The following SMAD2 variants were observed in gnomAD, a reference collection of about 807,000 sequenced individuals.
SMAD2 encodes MAD homolog 2.
In SMAD2, 8 loss-of-function variants were observed where a neutral mutation model predicts 64.4. The ratio of observed to expected loss-of-function variants is 0.12; its 90% CI spans 0.07 to 0.22. The LOEUF (loss-of-function observed/expected upper bound fraction) is 0.22. SMAD2 is among the 10% of genes least tolerant of loss of function. The pLI is 1.00. For synonymous variants in SMAD2, 203 were observed against 195.8 expected, an observed-to-expected ratio of 1.04 and a Z score of -0.31; for missense variants, 289 against 561.2, an observed-to-expected ratio of 0.51 and a Z score of 4.90.
At chr18:47,865,715 T>C (rs1018230514) in intron 5 of SMAD2, among the ~76,000 whole-genome samples, 2 of 152,176 alleles carry the variant, frequency 1.3e-5, no homozygotes, top group African/African-American at 2.4e-5. Flanking sequence ...GTCTAAGTGT[T>C]TGAAGCAGAA....
Position 47,828,765 on chromosome 18 carries a change from A to T in SMAD2, c.*13062T>A, listed in dbSNP as rs932009782. 1 of 180,990 alleles carries T rather than the reference A, an allele frequency of 5.5e-6. No homozygotes were observed. Among genetic ancestry groups the T allele is most frequent in the African/African-American group, 2.4e-5 (1 of 41,624 alleles). 11.2% of individuals were successfully genotyped at this position (180,990 alleles called of 1,614,324 possible). Reference sequence around the variant, plus strand: ...CGTTAAGAGTCATCACCACTCCTTAATCTCAAGTACCCAGGGACACAAACA... The same window carrying T: ...CGTTAAGAGTCATCACCACTCCTTATTCTCAAGTACCCAGGGACACAAACA... On this transcript the variant is annotated 3_prime_UTR_variant, in exon 11 of 11. Coordinates refer to ENST00000262160, the MANE Select transcript of SMAD2 (RefSeq NM_005901.6).
chr18:47,885,132 T>TACACACACACAC (rs57342899), intron 2 of SMAD2, among the ~76,000 whole-genome samples: 1 of 142,080 alleles, frequency 7.0e-6, no homozygotes, highest in South Asian at 2.3e-4. Context: ...TTTAGTCATA[T>TACACACACACAC]ACACACACAC....
At chr18:47,856,627 T>C (rs960967582) in intron 6 of SMAD2, among the ~76,000 whole-genome samples, 6 of 152,072 alleles carry the variant, frequency 3.9e-5, no homozygotes, top group African/African-American at 1.4e-4. Flanking sequence ...TTCTCCCCCA[T>C]GTCACCTAAA....
intron 1 of SMAD2, among the ~76,000 whole-genome samples, chr18:47,901,342 A>G (rs1166103552): frequency 1.3e-5 from 2 of 152,096 alleles, no homozygotes; most frequent in Admixed American, 6.6e-5. Context: ...TTCAGTTAGC[A>G]TTTGGATGGT....
Position 47,930,444 on chromosome 18 carries a change from G to A in SMAD2, c.-137C>T, listed in dbSNP as rs1274718144. 6 of 152,166 alleles carry A rather than the reference G, an allele frequency of 3.9e-5. No individual in the cohort carries two copies. Among genetic ancestry groups the A allele is most frequent in the African/African-American group, 1.4e-4 (6 of 41,422 alleles). 9.4% of individuals were successfully genotyped at this position (152,166 alleles called of 1,614,324 possible). On this transcript the variant is annotated 5_prime_UTR_variant, in exon 1 of 11. Coordinates refer to ENST00000262160, the MANE Select transcript of SMAD2 (RefSeq NM_005901.6). ...CCTTCCTCTTCCGATGGGATGGAGG[G>A]GGCTGGGAGGGGAAGAGGGGAATGG... is the stretch of plus-strand genomic sequence containing the variant.
intron 2 of SMAD2, among the ~76,000 whole-genome samples, chr18:47,887,822 T>C (rs1378924083): frequency 2.0e-5 from 3 of 152,170 alleles, no homozygotes; most frequent in Admixed American, 1.3e-4. Context: ...ACTGAGAAGT[T>C]CTCGTCAAGT....
At chr18:47,875,291 T>G (rs923206163) in intron 2 of SMAD2, among the ~76,000 whole-genome samples, 2 of 152,156 alleles carry the variant, frequency 1.3e-5, no homozygotes, top group Non-Finnish European at 2.9e-5. Context: ...TCCTTAAAGA[T>G]TCTGTCTAAC....
At position 47,894,190 on chromosome 18, in the gene SMAD2, A is replaced by G. The variant is rs534813843; in HGVS notation, c.236+2331T>C. 2.6e-5 allele frequency among the ~76,000 whole-genome samples: 4 copies of G among 152,302 alleles called. No individual in the cohort carries two copies. The East Asian group carries it at 7.7e-4, about 29-fold the overall frequency. On this transcript the variant is annotated intron_variant, in intron 2 of 10. Transcript: ENST00000262160. ...CTCTGGATAACCTCACTGCAATGGCAACTTGAGCCTTGTTGAAGTTGTGCA... is the reference window on the plus strand; with the variant it reads ...CTCTGGATAACCTCACTGCAATGGCGACTTGAGCCTTGTTGAAGTTGTGCA...
chr18:47,899,516 A>G (rs2033590627), intron 1 of SMAD2, among the ~76,000 whole-genome samples: 1 of 152,222 alleles, frequency 6.6e-6, no homozygotes, highest in African/African-American at 2.4e-5. Context: ...ACAACATGGT[A>G]ACACAACTTT....
Position 47,828,192 on chromosome 18 carries a change from G to A in SMAD2, c.*13635C>T, listed in dbSNP as rs556238202. 182 of 155,776 alleles carry A rather than the reference G, an allele frequency of 1.2e-3. No homozygotes were observed. The highest frequency in any genetic ancestry group is 4.3e-3 in the African/African-American group (175 of 41,054). 9.6% of individuals were successfully genotyped at this position (155,776 alleles called of 1,614,324 possible). On this transcript the variant is annotated 3_prime_UTR_variant, in exon 11 of 11. Transcript: ENST00000262160. ...CCACCCCGTCCGGGAAGTAAGGAGC[G>A]TCTCCGCCCAGCAGCCGCCCCGTCT... is the stretch of plus-strand genomic sequence containing the variant.
rs2031463973 is a variant in SMAD2 at position 47,865,126 on chromosome 18, T to G, written c.663A>C (p.Pro221=). Residue 221 remains proline, a synonymous_variant, in exon 6 of 11, where the codon CCA becomes CCC. Coordinates refer to ENST00000262160, the MANE Select transcript of SMAD2 (RefSeq NM_005901.6). ...CATCTTCACTGATATATCCAGGAGG[T>G]GGCGTTTCTACAAAAGTTTAAAACA... The part of the protein sequence containing the change: ...EPQSNYIPET[P]PPGYISEDGE... 1 of 1,604,844 alleles carries G rather than the reference T, an allele frequency of 6.2e-7. No individual in the cohort carries two copies. The highest frequency in any genetic ancestry group is 8.5e-7 in the Non-Finnish European group (1 of 1,172,002).
At chr18:47,904,858 G>A (rs991516004) in intron 1 of SMAD2, among the ~76,000 whole-genome samples, 1 of 152,130 alleles carries the variant, frequency 6.6e-6, no homozygotes, top group Non-Finnish European at 1.5e-5. Context: ...AGCAACACTA[G>A]AAAAGAATGT....
chr18:47,891,364 T>A (rs2144455226), intron 2 of SMAD2, among the ~76,000 whole-genome samples: 1 of 152,064 alleles, frequency 6.6e-6, no homozygotes. Flanking sequence ...AGAAACATCC[T>A]GGAAGGACAC....
At chr18:47,865,596 A>G (rs1252514375) in intron 5 of SMAD2, among the ~76,000 whole-genome samples, 1 of 152,190 alleles carries the variant, frequency 6.6e-6, no homozygotes, top group African/African-American at 2.4e-5. Context: ...CAGGCTTACA[A>G]CTTACACTAA....
chr18:47,906,423 GAAT>G (rs983333897), intron 1 of SMAD2, among the ~76,000 whole-genome samples: 68 of 152,122 alleles, frequency 4.5e-4, no homozygotes, highest in African/African-American at 1.6e-3. Context: ...AACAGGAAAA[GAAT>G]AATAGACATG....
chr18:47,845,038 G>A (rs1568034170), intron 10 of SMAD2: 4 of 563,722 alleles, frequency 7.1e-6, no homozygotes, highest in South Asian at 2.4e-5. Context: ...CTTGAGCACC[G>A]TGTGCAAACA....
rs2031787026 is a variant in SMAD2 at position 47,869,344 on chromosome 18, T to C, written c.419A>G (p.His140Arg). The C allele has an allele frequency of 6.2e-7, 1 of 1,613,656 alleles. No homozygotes were observed. Among genetic ancestry groups the C allele is most frequent in the Non-Finnish European group, 8.5e-7 (1 of 1,179,734 alleles). Residue 140 changes from histidine to arginine, a missense_variant, in exon 4 of 11, where the codon CAT becomes CGT. By Grantham distance (29) the His-to-Arg change is conservative. Transcript: ENST00000262160. ...GTTTTCAATTGCCTTGAGTTCATGA[T>C]GACTGTGAAGATCAGGCCAGCGCCA... ...RLWRWPDLHS[H>R]HELKAIENCE...
At chr18:47,861,937 A>T (rs1421495473) in intron 6 of SMAD2, among the ~76,000 whole-genome samples, 1 of 152,320 alleles carries the variant, frequency 6.6e-6, no homozygotes, top group East Asian at 1.9e-4. Flanking sequence ...TATTTTACAG[A>T]TTTAAAAACT....
chr18:47,877,731 T>C (rs138267749), intron 2 of SMAD2, among the ~76,000 whole-genome samples: 1 of 152,144 alleles, frequency 6.6e-6, no homozygotes, highest in East Asian at 1.9e-4. Flanking sequence ...ACAATCCTGA[T>C]TGAGAAATAA....
Sources: gnomAD v4.1 joint callset for allele counts (sites outside exome capture counted in the v4.1 genomes callset) on GRCh38, gnomAD v4.1.1 for gene constraint, MANE v1.5 for transcripts, NCBI Gene and HGNC (gene_info 2026-07-23, HGNC 2026-07-21) for gene names.